Variants in DTNBP1 observed in about 807,000 individuals in gnomAD.
DTNBP1 encodes dystrobrevin binding protein 1.
DTNBP1 carries 35 observed loss-of-function variants against 42.8 expected under a neutral mutation model. The ratio of observed to expected loss-of-function variants is 0.82; its 90% CI spans 0.63 to 1.09. DTNBP1 has a LOEUF of 1.09. DTNBP1 is among the 50% of genes least tolerant of loss of function. The pLI, the probability that DTNBP1 is intolerant of heterozygous loss-of-function variation, is 0.00. For synonymous variants in DTNBP1, 171 were observed against 162.2 expected (o/e 1.05, Z -0.41); for missense variants, 457 against 424.2 (o/e 1.08, Z -0.68).
intron 4 of DTNBP1, 44 bp downstream of exon 4, chr6:15,637,700 A>G (rs1316491133): frequency 6.2e-7 from 1 of 1,601,688 alleles, no homozygotes; most frequent in South Asian, 1.1e-5. Context: ...TTAGCACTGA[A>G]AAAGGAAAGT....
intron 7 of DTNBP1, among the ~76,000 whole-genome samples, chr6:15,581,425 G>A (rs1214414088): frequency 3.3e-5 from 5 of 149,428 alleles, no homozygotes; most frequent in African/African-American, 4.9e-5. Flanking sequence ...TGATCCACCC[G>A]CCTGGGCCTC....
In DTNBP1 at chr6:15,524,602, G is replaced by A. The variant is rs1214992770; in HGVS notation, c.735C>T (p.Asp245=). The A allele has an allele frequency of 6.2e-7, 1 of 1,613,674 alleles. No homozygotes were observed. The highest frequency in any genetic ancestry group is 1.3e-5 in the African/African-American group (1 of 74,918). The stretch of plus-strand genomic sequence containing the variant: ...CGTCCAGGGCCTCCTGGTCCGATAT[G>A]TCCATCAGGTCCATCTGCTCCAGCA... ...VDMLEQMDLM[D]ISDQEALDVF... Residue 245 remains aspartate (D), a synonymous_variant, in exon 9 of 10, where the codon GAC becomes GAT. Coordinates refer to ENST00000344537, the MANE Select transcript of DTNBP1 (RefSeq NM_032122.5).
At chr6:15,649,786 C>T (rs867652605) in intron 3 of DTNBP1, among the ~76,000 whole-genome samples, 10 of 152,102 alleles carry the variant, frequency 6.6e-5, no homozygotes, top group African/African-American at 1.2e-4. Flanking sequence ...CACCGTCTTA[C>T]GGATGTAAAT....
chr6:15,622,455 G>T (rs563205504), intron 5 of DTNBP1, among the ~76,000 whole-genome samples: 1 of 152,122 alleles, frequency 6.6e-6, no homozygotes, highest in Admixed American at 6.6e-5. Flanking sequence ...TGTGTATTCC[G>T]AATATTTTAT....
chr6:15,567,460 AC>A, intron 7 of DTNBP1, among the ~76,000 whole-genome samples: 1 of 9,734 alleles, frequency 1.0e-4, no homozygotes, highest in Non-Finnish European at 1.9e-4. Context: ...CTCTCGGGAA[AC>A]AAACAAACAA....
chr6:15,587,631 T>TG lies in DTNBP1; in HGVS notation c.511+5427dup, dbSNP rs991818791. 2.4e-4 allele frequency among the ~76,000 whole-genome samples: 37 copies of TG among 152,250 alleles called. No individual in the cohort carries two copies. The highest frequency in any genetic ancestry group is 7.7e-4 in the African/African-American group (32 of 41,550). Reference sequence around the variant, plus strand: ...CTACAAAGGTGCCAAAGCAATTCAATGGGGAAAAGAAGCTCTTTTCAAAAA... The same window carrying TG: ...CTACAAAGGTGCCAAAGCAATTCAATGGGGGAAAAGAAGCTCTTTTCAAAAA... On this transcript the variant is annotated intron_variant, in intron 7 of 9. Transcript: ENST00000344537. This position sits in a 1 kb window ranked among gnomAD's most constrained non-coding sequence, Gnocchi z 4.1.
intron 6 of DTNBP1, among the ~76,000 whole-genome samples, chr6:15,604,278 C>G (rs1776844774): frequency 6.6e-6 from 1 of 152,188 alleles, no homozygotes; most frequent in South Asian, 2.1e-4. Flanking sequence ...AAGTCTGCTC[C>G]CTTTTTGTAA....
chr6:15,533,153 C>A (rs1772981119), intron 8 of DTNBP1, 87 bp downstream of exon 8: 1 of 1,586,704 alleles, frequency 6.3e-7, no homozygotes, highest in Non-Finnish European at 8.5e-7. Flanking sequence ...GAGGATTCTG[C>A]CCCATGCCCT....
intron 7 of DTNBP1, among the ~76,000 whole-genome samples, chr6:15,547,394 TA>T (rs1224348801): frequency 2.0e-5 from 3 of 152,188 alleles, no homozygotes; most frequent in African/African-American, 7.2e-5. Context: ...AAACCCCAGG[TA>T]ATGCTGACAC....
chr6:15,655,629 T>C (rs780085136), intron 1 of DTNBP1, among the ~76,000 whole-genome samples: 1 of 113,922 alleles, frequency 8.8e-6, no homozygotes, highest in Non-Finnish European at 1.8e-5. Context: ...TATAGGAAAG[T>C]AAAACGAAGT....
At chr6:15,627,074 C>G (rs1337884837) in intron 5 of DTNBP1, among the ~76,000 whole-genome samples, 1 of 152,166 alleles carries the variant, frequency 6.6e-6, no homozygotes, top group Admixed American at 6.5e-5. Flanking sequence ...GACCAAATGT[C>G]AACAAAGACA....
At chr6:15,659,096 G>A (rs1053004433) in intron 1 of DTNBP1, among the ~76,000 whole-genome samples, 9 of 152,334 alleles carry the variant, frequency 5.9e-5, no homozygotes, top group Non-Finnish European at 4.4e-5. Flanking sequence ...ATGGTCTTAA[G>A]CTGCACTTTT....
intron 8 of DTNBP1, among the ~76,000 whole-genome samples, chr6:15,525,273 C>G (rs79103433): frequency 6.6e-6 from 1 of 152,346 alleles, no homozygotes; most frequent in South Asian, 2.1e-4. Flanking sequence ...GGCCTCTGCC[C>G]GGGCACTGAG....
chr6:15,640,441 T>C (rs1033396481), intron 3 of DTNBP1, among the ~76,000 whole-genome samples: 1 of 152,222 alleles, frequency 6.6e-6, no homozygotes, highest in Non-Finnish European at 1.5e-5. Flanking sequence ...ATTCATAATG[T>C]GTAATTCTTG....
chr6:15,578,453 C>T (rs1271328930), intron 7 of DTNBP1, among the ~76,000 whole-genome samples: 1 of 152,154 alleles, frequency 6.6e-6, no homozygotes, highest in African/African-American at 2.4e-5. Flanking sequence ...ATGTTTTCTT[C>T]TAGCTACATT....
chr6:15,642,842 A>G (rs1760454497), intron 3 of DTNBP1, among the ~76,000 whole-genome samples: 1 of 152,244 alleles, frequency 6.6e-6, no homozygotes, highest in Admixed American at 6.5e-5. Flanking sequence ...CAAATTCAAA[A>G]TAAAAAGAGA....
At chr6:15,544,794 G>A (rs1173042364) in intron 7 of DTNBP1, among the ~76,000 whole-genome samples, 1 of 152,142 alleles carries the variant, frequency 6.6e-6, no homozygotes, top group Non-Finnish European at 1.5e-5. Flanking sequence ...TTCAGATAAG[G>A]GATATGTAAT....
chr6:15,604,688 A>G (rs7752070), intron 6 of DTNBP1, among the ~76,000 whole-genome samples: 23,500 of 151,556 alleles, frequency 0.16, 2,703 homozygotes, highest in African/African-American at 0.32. Flanking sequence ...TCTTAAATAT[A>G]TCTGTTATAC....
At chr6:15,640,575 G>T (rs1160801030) in intron 3 of DTNBP1, among the ~76,000 whole-genome samples, 1 of 152,188 alleles carries the variant, frequency 6.6e-6, no homozygotes, top group East Asian at 1.9e-4. Flanking sequence ...ACAAAGGAAA[G>T]GACTAATTAT....
Sources: gnomAD v4.1 joint callset for allele counts (sites outside exome capture counted in the v4.1 genomes callset) on GRCh38, gnomAD v4.1.1 for gene constraint, Gnocchi (gnomAD v3.1) non-coding constraint, MANE v1.5 for transcripts, NCBI Gene and HGNC (gene_info 2026-07-23, HGNC 2026-07-21) for gene names.